Variants in ZSCAN5A observed in about 807,000 individuals in gnomAD.
ZSCAN5A encodes zinc finger and SCAN domain containing 5A.
A neutral mutation model predicts 23.7 loss-of-function variants in ZSCAN5A; 12 were observed. The ratio of observed to expected loss-of-function variants is 0.51; its 90% confidence interval spans 0.32 to 0.82. ZSCAN5A has a LOEUF of 0.82. ZSCAN5A is among the 40% of genes least tolerant of loss of function. The pLI, the probability that ZSCAN5A is intolerant of heterozygous loss-of-function variation, is 0.03. For synonymous variants in ZSCAN5A, 257 were observed against 239.9 expected (o/e 1.07, Z -0.66); for missense variants, 597 against 617.9 (o/e 0.97, Z 0.36).
chr19:56,282,755 A>C (rs2038810966), intron 2 of ZSCAN5A, among the ~76,000 whole-genome samples: 2 of 152,246 alleles, frequency 1.3e-5, no homozygotes, highest in South Asian at 4.1e-4. Flanking sequence ...ACATGGCTCA[A>C]GGAAAGCTAT....
chr19:56,271,727 T>C (rs2037864246), intron 2 of ZSCAN5A, among the ~76,000 whole-genome samples: 1 of 152,172 alleles, frequency 6.6e-6, no homozygotes, highest in South Asian at 2.1e-4. Context: ...TGGAACTCTT[T>C]CCTTCCAGGA....
chr19:56,274,982 CA>C (rs1249837256), intron 2 of ZSCAN5A: 3 of 152,174 alleles, frequency 2.0e-5, no homozygotes, highest in African/African-American at 7.2e-5. Context: ...GAAGCTTTCT[CA>C]TGATTGGATT....
At chr19:56,263,750 A>G (rs558285638) in intron 2 of ZSCAN5A, 20 of 152,296 alleles carry the variant, frequency 1.3e-4, no homozygotes, top group African/African-American at 4.3e-4. Flanking sequence ...TGCGAAAATC[A>G]CCATTTTTAA....
intron 2 of ZSCAN5A, chr19:56,247,140 C>A: frequency 1.5e-6 from 1 of 660,900 alleles, no homozygotes; most frequent in South Asian, 1.8e-5. Flanking sequence ...GAGAGAGACC[C>A]TTTCAATGTA....
chr19:56,268,564 A>T (rs774838519), intron 2 of ZSCAN5A, among the ~76,000 whole-genome samples: 1 of 152,190 alleles, frequency 6.6e-6, no homozygotes, highest in Non-Finnish European at 1.5e-5. Flanking sequence ...TTTTGGTAAC[A>T]TGGGATTTTT....
At chr19:56,284,513 A>ATTTT (rs11374260) in intron 2 of ZSCAN5A, among the ~76,000 whole-genome samples, 3,284 of 118,074 alleles carry the variant, frequency 0.028, 163 homozygotes, top group Non-Finnish European at 0.042. Context: ...GCTTGCTGTA[A>ATTTT]TTTTTTTTTT....
intron 2 of ZSCAN5A, chr19:56,280,682 G>A (rs1023638612): frequency 6.6e-6 from 1 of 152,120 alleles, no homozygotes; most frequent in Non-Finnish European, 1.5e-5. Flanking sequence ...TCTTGTGAGA[G>A]CCTTCCTGTT....
intron 2 of ZSCAN5A, chr19:56,321,499 C>A: frequency 1.4e-6 from 1 of 719,436 alleles, no homozygotes; most frequent in East Asian, 2.5e-5. Flanking sequence ...GACATCCTTG[C>A]ACCATGCACC....
At chr19:56,294,401 C>G (rs897734475) in intron 2 of ZSCAN5A, among the ~76,000 whole-genome samples, 1 of 152,212 alleles carries the variant, frequency 6.6e-6, no homozygotes, top group African/African-American at 2.4e-5. Flanking sequence ...CCCAAACTCC[C>G]TTAGATTCTA....
chr19:56,221,486 C>T lies in ZSCAN5A; in HGVS notation c.*89G>A, dbSNP rs2033147817. 1 of 1,488,296 alleles carries T rather than the reference C, an allele frequency of 6.7e-7. No individual in the cohort carries two copies. The highest frequency in any genetic ancestry group is 1.4e-5 in the African/African-American group (1 of 71,138). 92.2% of individuals were successfully genotyped at this position (1,488,296 alleles called of 1,614,324 possible). ...GCACTCCCTCTGTGTGTCAGACGCC[C>T]TTGCATGTGTCAAATGTCATCTGAT... On this transcript the variant is annotated 3_prime_UTR_variant, in exon 6 of 6. Coordinates refer to ENST00000683990, the MANE Select transcript of ZSCAN5A (RefSeq NM_001322064.3).
At chr19:56,315,167 G>C (rs912427178), upstream of ZSCAN5A, 1 of 152,336 alleles carries the variant, frequency 6.6e-6, no homozygotes, top group Non-Finnish European at 1.5e-5. Flanking sequence ...TGCGGCCAGC[G>C]AGACGCCGGA....
At chr19:56,334,859 A>G (rs1400251168) in intron 2 of ZSCAN5A, among the ~76,000 whole-genome samples, 1 of 152,256 alleles carries the variant, frequency 6.6e-6, no homozygotes, top group Admixed American at 6.5e-5. Context: ...CAGCACAAGA[A>G]TGGTGAAAAC....
chr19:56,246,955 A>G (rs749599340), intron 2 of ZSCAN5A: 1 of 1,517,704 alleles, frequency 6.6e-7, no homozygotes, highest in South Asian at 1.1e-5. Context: ...TGTGGGCAAC[A>G]GCGAATCCCC....
rs573938735 is a variant in ZSCAN5A at position 56,335,806 on chromosome 19, C to T, written c.-357-19538G>A. Among the ~76,000 whole-genome samples, 13 of 152,238 alleles carry T rather than the reference C, an allele frequency of 8.5e-5. No individual in the cohort carries two copies. In the East Asian group the frequency reaches 2.3e-3, roughly 27 times the overall value. ...TGGTGACAAAATCTCTCAGCATTTG[C>T]TTGTCTGTAAAGTATTTTATTTCTC... On this transcript the variant is annotated intron_variant, in intron 2 of 6. Coordinates refer to the ZSCAN5A transcript ENST00000587340.
At chr19:56,268,930 GT>G (rs1600138907) in intron 2 of ZSCAN5A, among the ~76,000 whole-genome samples, 1 of 152,054 alleles carries the variant, frequency 6.6e-6, no homozygotes, top group East Asian at 1.9e-4. Flanking sequence ...TATTTTCAAG[GT>G]TCACCCATGT....
intron 2 of ZSCAN5A, among the ~76,000 whole-genome samples, chr19:56,240,191 C>A (rs1470383082): frequency 1.4e-5 from 2 of 146,852 alleles, no homozygotes; most frequent in Admixed American, 6.7e-5. Context: ...AAAAAAAACC[C>A]ATAAAACCAA....
intron 1 of ZSCAN5A, among the ~76,000 whole-genome samples, chr19:56,314,047 T>C (rs2041211649): frequency 6.6e-6 from 1 of 152,018 alleles, no homozygotes; most frequent in African/African-American, 2.4e-5. Context: ...ATCCAGTGGG[T>C]GAGGTGAGGG....
At chr19:56,304,754 GTTTC>G (rs1383205224) in intron 2 of ZSCAN5A, 3 of 984,560 alleles carry the variant, frequency 3.0e-6, no homozygotes, top group Non-Finnish European at 3.6e-6. Context: ...CACCCCAACT[GTTTC>G]TTTCTCTGTT....
At chr19:56,348,952 GACT>G (rs1451699466) in intron 2 of ZSCAN5A, among the ~76,000 whole-genome samples, 1 of 152,136 alleles carries the variant, frequency 6.6e-6, no homozygotes, top group Admixed American at 6.5e-5. Flanking sequence ...AAATAGAATA[GACT>G]ACTTCTCTAG....
Sources: gnomAD v4.1 joint callset for allele counts (sites outside exome capture counted in the v4.1 genomes callset) on GRCh38, gnomAD v4.1.1 for gene constraint, MANE v1.5 for transcripts, NCBI Gene and HGNC (gene_info 2026-07-23, HGNC 2026-07-21) for gene names.